Variants in INO80 observed in about 807,000 individuals in gnomAD.
The protein encoded by INO80 is chromatin-remodeling ATPase INO80.
Under a neutral mutation model 203.4 loss-of-function variants are expected in INO80, and 20 were observed. The observed-to-expected ratio is 0.10, with a 90% CI of 0.07 to 0.14. The LOEUF is 0.14. Among genes scored for constraint, INO80 ranks in the 10% least tolerant of loss-of-function variants. INO80 has a pLI of 1.00. For synonymous variants in INO80, 726 were observed against 685.2 expected (o/e 1.06, Z -0.93); for missense variants, 1,419 against 1,914.4 (o/e 0.74, Z 4.83).
chr15:41,044,119 C>G (rs1024424655), intron 24 of INO80, among the ~76,000 whole-genome samples: 1 of 152,130 alleles, frequency 6.6e-6, no homozygotes, highest in African/African-American at 2.4e-5. Context: ...ATTTATAAAA[C>G]TATTTTAGAA....
At chr15:41,016,409 C>T (rs1261054850) in intron 26 of INO80, among the ~76,000 whole-genome samples, 194 bp from the exon 27 acceptor site, 1 of 152,222 alleles carries the variant, frequency 6.6e-6, no homozygotes, top group East Asian at 1.9e-4. Flanking sequence ...GAAAAAACAT[C>T]CCCAAAGGGG....
In INO80 at chr15:40,978,986, T is replaced by TA. The variant is rs1893704392; in HGVS notation, c.*1236dup. 6.6e-6 allele frequency: 1 copy of TA among 152,626 alleles called. No individual in the cohort carries two copies. Among genetic ancestry groups the TA allele is most frequent in the Admixed American group, 6.5e-5 (1 of 15,286 alleles). 9.5% of individuals were successfully genotyped at this position (152,626 alleles called of 1,614,324 possible). On this transcript the variant is annotated 3_prime_UTR_variant, in exon 36 of 36. Coordinates refer to ENST00000648947, the MANE Select transcript of INO80 (RefSeq NM_017553.3). ...ATATGTACAAGTTCAGTTATAAAAA[T>TA]AGCACATTCAAAGAGAAAAGGCTTG...
At chr15:41,002,754 A>C (rs1220947935) in intron 28 of INO80, among the ~76,000 whole-genome samples, 2 of 152,246 alleles carry the variant, frequency 1.3e-5, no homozygotes, top group Admixed American at 6.5e-5. Context: ...AGATATTTCT[A>C]TTCAATAGAA....
chr15:41,090,388 CAACATGGTG>C lies in INO80; in HGVS notation c.537+1630_537+1638del, dbSNP rs529733912. On this transcript the variant is annotated intron_variant, in intron 5 of 35. Coordinates refer to ENST00000648947, the MANE Select transcript of INO80 (RefSeq NM_017553.3). ...GTCAGGAGTTCGAGACCAACCTGGC[CAACATGGTG>C]AAAACCCGTCTTTACTAAAAACGCA... Among the ~76,000 whole-genome samples, 95 of 152,012 alleles carry C rather than the reference CAACATGGTG, an allele frequency of 6.2e-4. No homozygotes were observed. The South Asian group carries it at 7.5e-3, about 12-fold the overall frequency.
In INO80 at chr15:41,050,213, A is replaced by G. The variant is rs1034031919; in HGVS notation, c.2275-111T>C. ...CCATATTATGATTGAGAATAAACAT[A>G]TGTGAACTCAGTATCTCTATAAACC... On this transcript the variant is annotated intron_variant, in intron 19 of 35. Transcript: ENST00000648947. 8.6e-5 allele frequency: 59 copies of G among 688,058 alleles called. No individual in the cohort carries two copies. The Middle Eastern group carries it at 2.4e-3, about 29-fold the overall frequency. The allele number at this position is 688,058 out of a possible 1,614,324, so 42.6% of individuals were successfully genotyped here.
chr15:40,993,397 G>C (rs2043840337), intron 29 of INO80, among the ~76,000 whole-genome samples: 1 of 152,100 alleles, frequency 6.6e-6, no homozygotes, highest in South Asian at 2.1e-4. Context: ...AAATGAAATT[G>C]TGCTAGACCT....
At chr15:41,019,092 C>T (rs2044251288) in intron 26 of INO80, among the ~76,000 whole-genome samples, 1 of 152,060 alleles carries the variant, frequency 6.6e-6, no homozygotes, top group South Asian at 2.1e-4. Context: ...AAAATTAGGG[C>T]AAAAGATTAA....
Position 41,053,917 on chromosome 15 carries a change from T to G in INO80, c.2274+12A>C, listed in dbSNP as rs766164600. 1.2e-6 allele frequency: 2 copies of G among 1,607,652 alleles called. No homozygotes were observed. Among genetic ancestry groups the G allele is most frequent in the South Asian group, 2.2e-5 (2 of 90,892 alleles). ...TATTGAGGCTTAAACACATGAGGTC[T>G]TCTTTACTTACCTTGTCAGATAATT... On this transcript the variant is annotated intron_variant, in intron 19 of 35. Coordinates refer to ENST00000648947, the MANE Select transcript of INO80 (RefSeq NM_017553.3).
At chr15:41,006,326 ATTC>A (rs1468562352) in intron 27 of INO80, among the ~76,000 whole-genome samples, 2 of 152,202 alleles carry the variant, frequency 1.3e-5, no homozygotes, top group Non-Finnish European at 2.9e-5. Flanking sequence ...AGAAATTGCA[ATTC>A]TTCTTATAGT....
chr15:41,062,639 G>A (rs1042072081), intron 14 of INO80, among the ~76,000 whole-genome samples: 1 of 152,190 alleles, frequency 6.6e-6, no homozygotes, highest in Non-Finnish European at 1.5e-5. Context: ...CAACAGTACT[G>A]AGAGGTGGGA....
chr15:41,004,580 T>C (rs896924357), intron 28 of INO80: 1 of 152,210 alleles, frequency 6.6e-6, no homozygotes, highest in African/African-American at 2.4e-5. Flanking sequence ...CCGTCACTAG[T>C]GGAGCCTGGC....
Position 41,085,454 on chromosome 15 carries a change from G to T in INO80, c.788C>A (p.Thr263Asn). Residue 263 changes from threonine (T) to asparagine (N), a missense_variant, in exon 7 of 36, where the codon ACT becomes AAT. Thr to Asn is a moderately conservative substitution (Grantham distance 65, BLOSUM62 0). Coordinates refer to ENST00000648947, the MANE Select transcript of INO80 (RefSeq NM_017553.3). The part of the protein sequence containing the change: ...KFSHDAPPPG[T>N]KKKHLSIEQL... ...CTCAATGGATAAGTGCTTTTTCTTAGTGCCAGGGGGAGGTGCATCGTGAGA... is the reference window on the plus strand; with the variant it reads ...CTCAATGGATAAGTGCTTTTTCTTATTGCCAGGGGGAGGTGCATCGTGAGA... 1.2e-6 allele frequency: 2 copies of T among 1,614,156 alleles called. No homozygotes were observed. The highest frequency in any genetic ancestry group is 1.7e-6 in the Non-Finnish European group (2 of 1,180,032).
In INO80 at chr15:41,106,249, TG is replaced by T. The variant is rs1170156787; in HGVS notation, c.-44+9723del. ...AAATACAAAAATTAGCCACACGTGGTGGCGAGCACCTATAGTCCCAGCTACC... is the reference window on the plus strand; with the variant it reads ...AAATACAAAAATTAGCCACACGTGGTGCGAGCACCTATAGTCCCAGCTACC... On this transcript the variant is annotated intron_variant, in intron 1 of 35. Coordinates refer to ENST00000648947, the MANE Select transcript of INO80 (RefSeq NM_017553.3). Among the ~76,000 whole-genome samples the T allele has an allele frequency of 3.3e-5, 5 of 152,056 alleles. No homozygotes were observed. The East Asian group carries it at 9.6e-4, about 29-fold the overall frequency.
chr15:41,054,504 A>G (rs770585185), intron 18 of INO80, among the ~76,000 whole-genome samples: 2 of 152,240 alleles, frequency 1.3e-5, no homozygotes, highest in Non-Finnish European at 2.9e-5. Context: ...AAAAATGCTC[A>G]CAATGAAAAC....
intron 9 of INO80, among the ~76,000 whole-genome samples, chr15:41,076,466 C>CT (rs566456701): frequency 1.0e-3 from 148 of 144,152 alleles, no homozygotes; most frequent in Admixed American, 9.9e-4. Context: ...TGCAAACTTT[C>CT]TTTTTTTTTT....
intron 5 of INO80, among the ~76,000 whole-genome samples, chr15:41,089,326 CAGGTTTATA>C (rs1460161119): frequency 2.0e-5 from 3 of 152,204 alleles, no homozygotes; most frequent in Non-Finnish European, 1.5e-5. Flanking sequence ...ACCACTTCTA[CAGGTTTATA>C]AGGTTCAGAA....
At chr15:40,980,890 C>T (rs1893802834) in intron 35 of INO80, among the ~76,000 whole-genome samples, 1 of 152,148 alleles carries the variant, frequency 6.6e-6, no homozygotes, top group Admixed American at 6.5e-5. Flanking sequence ...CCAGAGGGTA[C>T]AAGGCTGCCC....
chr15:41,109,532 T>G (rs2045929507), intron 1 of INO80, among the ~76,000 whole-genome samples: 1 of 152,034 alleles, frequency 6.6e-6, no homozygotes, highest in African/African-American at 2.4e-5. Context: ...CTCATGGCTG[T>G]AACCCCGGCA....
chr15:40,980,211 G>C lies in INO80; in HGVS notation c.*12C>G. ...CCTGGTTTGGTTGAAGGAAGTCGGA[G>C]GGCCCAGATGGTTACCGTCCTCCAG... On this transcript the variant is annotated 3_prime_UTR_variant, in exon 36 of 36. Transcript: ENST00000648947. 3.7e-6 allele frequency: 6 copies of C among 1,610,134 alleles called. No homozygotes were observed. The highest frequency in any genetic ancestry group is 5.1e-6 in the Non-Finnish European group (6 of 1,177,956).
Sources: gnomAD v4.1 joint callset for allele counts (sites outside exome capture counted in the v4.1 genomes callset) on GRCh38, gnomAD v4.1.1 for gene constraint, MANE v1.5 for transcripts, NCBI Gene and HGNC (gene_info 2026-07-23, HGNC 2026-07-21) for gene names.